Variants in TAF12 observed in about 807,000 individuals in gnomAD.
TAF12 encodes the protein transcription initiation factor TFIID subunit 12.
In TAF12, 3 loss-of-function variants were observed where a neutral mutation model predicts 20.8. The ratio of observed to expected loss-of-function variants is 0.14; its 90% CI spans 0.07 to 0.37. The LOEUF (loss-of-function observed/expected upper bound fraction) is 0.37, where lower values mean the gene tolerates loss of function less well. Ranked by LOEUF, TAF12 falls within the 10% of genes least tolerant of loss-of-function variation. The pLI is 1.00. For missense variants in TAF12, 131 were observed against 197.9 expected (o/e 0.66, Z 2.03); for synonymous variants, 69 against 70.2 (o/e 0.98, Z 0.09).
intron 1 of TAF12, among the ~76,000 whole-genome samples, chr1:28,627,662 C>A (rs1319887793): frequency 1.4e-5 from 1 of 72,832 alleles, no homozygotes; most frequent in Non-Finnish European, 2.9e-5. Flanking sequence ...CACTGCACTC[C>A]CTCAAAAAAA....
At chr1:28,613,673 A>G (rs1383803181) in intron 3 of TAF12, among the ~76,000 whole-genome samples, 1 of 152,240 alleles carries the variant, frequency 6.6e-6, no homozygotes, top group African/African-American at 2.4e-5. Flanking sequence ...CCTCACTCAC[A>G]GTATCTTAAA....
At chr1:28,631,000 G>A (rs999925991) in intron 1 of TAF12, among the ~76,000 whole-genome samples, 23 of 144,904 alleles carry the variant, frequency 1.6e-4, no homozygotes, top group Non-Finnish European at 2.9e-4. Flanking sequence ...AGCTGAGACC[G>A]TGCCACTGCA....
chr1:28,635,827 T>TAA (rs768058897), intron 1 of TAF12, among the ~76,000 whole-genome samples: 1 of 150,646 alleles, frequency 6.6e-6, no homozygotes, highest in Non-Finnish European at 1.5e-5. Context: ...TTTTTTTTTT[T>TAA]AAAAAAACAA....
At chr1:28,647,109 C>A (rs373391755), upstream of TAF12, among the ~76,000 whole-genome samples, 11 of 152,212 alleles carry the variant, frequency 7.2e-5, no homozygotes, top group East Asian at 2.1e-3. Context: ...GCTGGGATTA[C>A]AGGCATGAGC....
chr1:28,613,076 C>T (rs1666919520), intron 4 of TAF12, among the ~76,000 whole-genome samples, 171 bp downstream of exon 4: 1 of 152,206 alleles, frequency 6.6e-6, no homozygotes, highest in African/African-American at 2.4e-5. Context: ...GCTCATTCTC[C>T]CTACCACAGA....
intron 2 of TAF12, 77 bp downstream of exon 2, chr1:28,621,837 G>C: frequency 1.3e-6 from 2 of 1,533,062 alleles, no homozygotes; most frequent in Non-Finnish European, 1.7e-6. Context: ...ATCTGAGATG[G>C]ACATCTCTTA....
At chr1:28,626,268 G>A (rs1018395983) in intron 1 of TAF12, among the ~76,000 whole-genome samples, 4 of 150,980 alleles carry the variant, frequency 2.6e-5, no homozygotes, top group Non-Finnish European at 4.4e-5. Flanking sequence ...ATGAACCACC[G>A]CGCCCGGCCT....
At chr1:28,617,051 C>T (rs559958600) in intron 3 of TAF12, among the ~76,000 whole-genome samples, 1 of 152,018 alleles carries the variant, frequency 6.6e-6, no homozygotes, top group Non-Finnish European at 1.5e-5. Context: ...ACCCAGGAGG[C>T]GGAGGTTGCG....
chr1:28,628,542 G>A (rs1175743551), intron 1 of TAF12, among the ~76,000 whole-genome samples: 1 of 151,704 alleles, frequency 6.6e-6, no homozygotes, highest in Admixed American at 6.6e-5. Flanking sequence ...TTCTTTTACG[G>A]GATACAAAAA....
chr1:28,633,908 A>G (rs1482648990), intron 1 of TAF12, among the ~76,000 whole-genome samples: 2 of 124,066 alleles, frequency 1.6e-5, no homozygotes, highest in East Asian at 4.9e-4. Flanking sequence ...GCGAAACTCC[A>G]TCTCAAAAAA....
At chr1:28,627,198 C>A (rs530792811) in intron 1 of TAF12, among the ~76,000 whole-genome samples, 6 of 151,500 alleles carry the variant, frequency 4.0e-5, no homozygotes, top group Non-Finnish European at 8.8e-5. Context: ...ACCAGCCTGG[C>A]CAACATGGTG....
At chr1:28,625,848 AT>A (rs548832720) in intron 1 of TAF12, among the ~76,000 whole-genome samples, 7,988 of 145,676 alleles carry the variant, frequency 0.055, 425 homozygotes, top group African/African-American at 0.14. Context: ...GCCCCAGCTA[AT>A]TTTTTTTTTT....
upstream of TAF12, among the ~76,000 whole-genome samples, chr1:28,644,893 G>T (rs1213000101): frequency 6.6e-6 from 1 of 152,184 alleles, no homozygotes; most frequent in African/African-American, 2.4e-5. Flanking sequence ...GAAGAACGGT[G>T]AAATTATGGC....
intron 4 of TAF12, among the ~76,000 whole-genome samples, chr1:28,605,761 G>C (rs557753862): frequency 6.6e-6 from 1 of 152,262 alleles, no homozygotes; most frequent in East Asian, 1.9e-4. Flanking sequence ...AAGTAGCTGG[G>C]ACTACAGGCG....
At chr1:28,618,534 A>ATTT (rs968347496) in intron 2 of TAF12, among the ~76,000 whole-genome samples, 13 of 125,688 alleles carry the variant, frequency 1.0e-4, no homozygotes, top group East Asian at 2.2e-4. Flanking sequence ...TACCTGGCTA[A>ATTT]TTTTTTTTTT....
At chr1:28,633,918 A>AC (rs910010835) in intron 1 of TAF12, among the ~76,000 whole-genome samples, 3 of 150,164 alleles carry the variant, frequency 2.0e-5, no homozygotes, top group African/African-American at 7.3e-5. Flanking sequence ...ATCTCAAAAA[A>AC]AAAAAAAAAA....
chr1:28,623,077 G>T (rs1667273968), intron 1 of TAF12, among the ~76,000 whole-genome samples: 1 of 151,774 alleles, frequency 6.6e-6, no homozygotes, highest in Non-Finnish European at 1.5e-5. Context: ...AGCTGGACAT[G>T]GTAGCATGTG....
At chr1:28,605,229 C>T (rs1666626249) in intron 5 of TAF12, 143 bp downstream of exon 5, 4 of 743,210 alleles carry the variant, frequency 5.4e-6, no homozygotes, top group South Asian at 3.3e-5. Flanking sequence ...CTGCCTCTTG[C>T]CCTCTCTGAC....
At chr1:28,615,834 T>C (rs537035210) in intron 3 of TAF12, among the ~76,000 whole-genome samples, 2 of 152,152 alleles carry the variant, frequency 1.3e-5, no homozygotes, top group South Asian at 4.1e-4. Context: ...GAAGGTTGAC[T>C]TGTGGACAAA....
Sources: allele counts gnomAD v4.1 joint callset (sites outside exome capture counted in the v4.1 genomes callset), GRCh38; gene constraint gnomAD v4.1.1; transcripts MANE v1.5; gene names NCBI Gene and HGNC (gene_info 2026-07-23, HGNC 2026-07-21).